PCDHA3: variants seen among roughly 807,000 people sequenced by gnomAD.
The protein encoded by PCDHA3 is protocadherin alpha 3, also known as protocadherin alpha-3.
In PCDHA3, 41 loss-of-function variants were observed where a neutral mutation model predicts 62.2. The observed-to-expected ratio is 0.66, with a 90% CI of 0.51 to 0.86. The LOEUF (loss-of-function observed/expected upper bound fraction) is 0.86, where lower values mean the gene tolerates loss of function less well. Ranked by LOEUF, PCDHA3 falls within the 40% of genes least tolerant of loss-of-function variation. The pLI is 0.00. For synonymous variants in PCDHA3, 640 were observed against 555.4 expected, an observed-to-expected ratio of 1.15 and a Z score of -2.14; for missense variants, 1,304 against 1,241.2, an observed-to-expected ratio of 1.05 and a Z score of -0.76.
intron 1 of PCDHA3, chr5:140,825,657 G>A (rs2150140571): frequency 6.6e-6 from 1 of 152,030 alleles, no homozygotes; most frequent in East Asian, 1.9e-4. Context: ...CCTAATCTCA[G>A]GTGATTTACC....
At chr5:140,960,764 A>C (rs1383623742) in intron 1 of PCDHA3, among the ~76,000 whole-genome samples, 7 of 152,164 alleles carry the variant, frequency 4.6e-5, no homozygotes, top group African/African-American at 1.7e-4. Flanking sequence ...CAAGAGTTAC[A>C]GAGGAGAAAT....
intron 1 of PCDHA3, among the ~76,000 whole-genome samples, chr5:140,873,502 T>C (rs1554166743): frequency 3.3e-5 from 5 of 152,346 alleles, no homozygotes; most frequent in Non-Finnish European, 7.3e-5. Context: ...AGTTGTGTCT[T>C]TTATACTTAA....
rs781875497 is a variant in PCDHA3 at position 140,995,949 on chromosome 5, G to A, written c.2542+13386G>A. Among the ~76,000 whole-genome samples, 8 of 152,160 alleles carry A rather than the reference G, an allele frequency of 5.3e-5. No homozygotes were observed. In the East Asian group the frequency reaches 7.7e-4, roughly 15 times the overall value. ...GTAAGTATTAAATGACATAATGCACGCAAAATGCTTAGAACCATGCTTAGT... is the reference window on the plus strand; with the variant it reads ...GTAAGTATTAAATGACATAATGCACACAAAATGCTTAGAACCATGCTTAGT... On this transcript the variant is annotated intron_variant, in intron 3 of 3. Transcript: ENST00000522353.
chr5:140,850,456 A>T lies in PCDHA3; in HGVS notation c.2394+46865A>T, dbSNP rs2150485002. 3 of 1,597,744 alleles carry T rather than the reference A, an allele frequency of 1.9e-6. No homozygotes were observed. In the Admixed American group the frequency reaches 5.1e-5, roughly 27 times the overall value. ...CGCCTACTGGTGCTGGTGAAAGACC[A>T]CGGGGAGCCAGCGCTGACGGCCACG... On this transcript the variant is annotated intron_variant, in intron 1 of 3. Coordinates refer to ENST00000522353, the MANE Select transcript of PCDHA3 (RefSeq NM_018906.3).
chr5:140,892,595 AT>A (rs1385818954), intron 1 of PCDHA3, among the ~76,000 whole-genome samples: 1 of 151,958 alleles, frequency 6.6e-6, no homozygotes, highest in African/African-American at 2.4e-5. Flanking sequence ...TCATTCACCT[AT>A]TTTTTTCCTT....
At chr5:140,948,897 T>C (rs1487067374) in intron 1 of PCDHA3, among the ~76,000 whole-genome samples, 1 of 151,680 alleles carries the variant, frequency 6.6e-6, no homozygotes. Context: ...AGATTTTAAG[T>C]GGATTCTTAG....
chr5:140,803,020 C>G lies in PCDHA3; in HGVS notation c.1823C>G (p.Ser608Trp), dbSNP rs1274408864. The G allele has an allele frequency of 1.2e-6, 2 of 1,613,916 alleles. No individual in the cohort carries two copies. The highest frequency in any genetic ancestry group is 1.7e-6 in the Non-Finnish European group (2 of 1,179,944). The change falls in exon 1 of 4, where the codon TCG becomes TGG. Residue 608 changes from serine (S) to tryptophan (W), a missense_variant. Physicochemically the swap from Ser to Trp is radical, Grantham distance 177. Transcript: ENST00000522353. The stretch of plus-strand genomic sequence containing the variant: ...GACTCAGGCTACAACGCGTGGCTTT[C>G]GTATGAGCTGCAGCCTGGGACCGGC... ...DADSGYNAWL[S>W]YELQPGTGGA...
intron 1 of PCDHA3, among the ~76,000 whole-genome samples, chr5:140,884,903 T>C (rs1462790087): frequency 1.3e-5 from 2 of 152,268 alleles, no homozygotes; most frequent in Admixed American, 1.3e-4. Flanking sequence ...GTTTCTGTTG[T>C]ATTCTTAATA....
chr5:140,801,140 A>G lies in PCDHA3; in HGVS notation c.-58A>G. 6.6e-7 allele frequency: 1 copy of G among 1,526,560 alleles called. No individual in the cohort carries two copies. The highest frequency in any genetic ancestry group is 8.8e-7 in the Non-Finnish European group (1 of 1,140,874). 94.6% of individuals were successfully genotyped at this position (1,526,560 alleles called of 1,614,324 possible). On this transcript the variant is annotated 5_prime_UTR_variant, in exon 1 of 4. Transcript: ENST00000522353. Reference sequence around the variant, plus strand: ...TAAGAAATGAAGATAAGGAACTCGAATTATTTTTAAACTTTGGATCAATGT... The same window carrying G: ...TAAGAAATGAAGATAAGGAACTCGAGTTATTTTTAAACTTTGGATCAATGT...
chr5:140,906,595 C>T (rs1341854347), intron 1 of PCDHA3, among the ~76,000 whole-genome samples: 1 of 152,218 alleles, frequency 6.6e-6, no homozygotes, highest in Non-Finnish European at 1.5e-5. Context: ...CCTTCCTCTA[C>T]TACTCATTCT....
At chr5:140,950,549 G>A (rs1023288540) in intron 1 of PCDHA3, among the ~76,000 whole-genome samples, 1 of 151,948 alleles carries the variant, frequency 6.6e-6, no homozygotes, top group African/African-American at 2.4e-5. Context: ...TGCATGGCTG[G>A]GGGGACACTT....
intron 1 of PCDHA3, chr5:140,841,363 A>G (rs1777178897): frequency 2.5e-6 from 4 of 1,613,472 alleles, no homozygotes; most frequent in African/African-American, 1.3e-5. Context: ...CCTGGCGACT[A>G]CTACTCTTGC....
rs1554262487 is a variant in PCDHA3, at chr5:141,009,847, G to T, written c.2763G>T (p.Glu921Asp). ...TCATAACCTTCGGCAAAAAGGAGGA[G>T]ACCAAGAAAAAGAAGAAAAAGAAGA... ...SDFITFGKKE[E>D]TKKKKKKKKG... Residue 921 changes from glutamate (E) to aspartate (D), a missense_variant, in exon 4 of 4, where the codon GAG (glutamate) becomes GAT (aspartate). Glu to Asp is a conservative substitution (Grantham distance 45). Coordinates refer to ENST00000522353, the MANE Select transcript of PCDHA3 (RefSeq NM_018906.3). 1 of 1,613,870 alleles carries T rather than the reference G, an allele frequency of 6.2e-7. No homozygotes were observed. Among genetic ancestry groups the T allele is most frequent in the Non-Finnish European group, 8.5e-7 (1 of 1,180,010 alleles).
At chr5:141,005,184 A>G (rs964423938) in intron 3 of PCDHA3, among the ~76,000 whole-genome samples, 27 of 152,196 alleles carry the variant, frequency 1.8e-4, no homozygotes, top group Non-Finnish European at 3.7e-4. Flanking sequence ...CACTTCTCAC[A>G]TCAGTCCTTT....
At chr5:140,975,154 G>C (rs73268051) in intron 1 of PCDHA3, among the ~76,000 whole-genome samples, 1,571 of 152,266 alleles carry the variant, frequency 0.01, 23 homozygotes, top group African/African-American at 0.036. Flanking sequence ...TCAGTTCCTA[G>C]AGAACTGAGG....
chr5:140,909,442 A>T (rs1345461412), intron 1 of PCDHA3, among the ~76,000 whole-genome samples: 11 of 152,234 alleles, frequency 7.2e-5, no homozygotes, highest in African/African-American at 2.7e-4. Context: ...ATCCACTGTC[A>T]TTCTCCAAGA....
At chr5:141,001,452 A>G (rs2098018922) in intron 3 of PCDHA3, among the ~76,000 whole-genome samples, 1 of 152,196 alleles carries the variant, frequency 6.6e-6, no homozygotes, top group Admixed American at 6.5e-5. Context: ...TCCACTGTCA[A>G]TTGAAGGACT....
intron 1 of PCDHA3, among the ~76,000 whole-genome samples, chr5:140,921,151 AT>A (rs11299094): frequency 0.63 from 94,902 of 151,506 alleles, 30,179 homozygotes; most frequent in African/African-American, 0.71. Flanking sequence ...CAGCTAATGC[AT>A]TTTTTTTTTA....
intron 3 of PCDHA3, among the ~76,000 whole-genome samples, chr5:140,984,789 A>G (rs2097121266): frequency 6.6e-6 from 1 of 152,202 alleles, no homozygotes; most frequent in African/African-American, 2.4e-5. Context: ...GGGTGAGCAT[A>G]GACAAACTGC....
Sources: allele counts gnomAD v4.1 joint callset (sites outside exome capture counted in the v4.1 genomes callset), GRCh38; gene constraint gnomAD v4.1.1; transcripts MANE v1.5; gene names NCBI Gene and HGNC (gene_info 2026-07-23, HGNC 2026-07-21).